The following SOX5 variants were observed in gnomAD, a reference collection of about 807,000 sequenced individuals.
The protein encoded by SOX5 is SRY-box transcription factor 5.
A neutral mutation model predicts 92.0 loss-of-function variants in SOX5; 9 were observed. The ratio of observed to expected loss-of-function variants is 0.10; its 90% CI spans 0.06 to 0.17. SOX5 has a LOEUF of 0.17. SOX5 is among the 10% of genes least tolerant of loss of function. The pLI is 1.00. For missense variants in SOX5, 642 were observed against 944.5 expected, an observed-to-expected ratio of 0.68 and a Z score of 4.20; for synonymous variants, 344 against 336.3, an observed-to-expected ratio of 1.02 and a Z score of -0.25.
At chr12:24,347,887 C>A (rs1405320826) in intron 2 of SOX5, among the ~76,000 whole-genome samples, 1 of 152,022 alleles carries the variant, frequency 6.6e-6, no homozygotes, top group East Asian at 1.9e-4. Context: ...GATTGATGAA[C>A]CGACCTGGCC....
intron 3 of SOX5, among the ~76,000 whole-genome samples, chr12:24,275,052 G>A (rs61121458): frequency 0.78 from 118,509 of 151,746 alleles, 46,374 homozygotes; most frequent in East Asian, 0.9. Context: ...TTGGGAAAAA[G>A]TAACCAAAAG....
chr12:24,117,912 C>T (rs1355951440), intron 4 of SOX5, among the ~76,000 whole-genome samples: 1 of 149,958 alleles, frequency 6.7e-6, no homozygotes, highest in African/African-American at 2.5e-5. Flanking sequence ...CCCAGATACT[C>T]GGAGACCAAG....
In SOX5 at chr12:24,458,467, C is replaced by T. The variant is rs562258387; in HGVS notation, c.-250-89828G>A. 3.3e-5 allele frequency among the ~76,000 whole-genome samples: 5 copies of T among 152,190 alleles called. No individual in the cohort carries two copies. In the South Asian group the frequency reaches 6.2e-4, roughly 19 times the overall value. On this transcript the variant is annotated intron_variant, in intron 1 of 4. Coordinates refer to the SOX5 transcript ENST00000446891. Reference sequence around the variant, plus strand: ...TCAGTCATGTTCAACGTGAGCTGAACGCCAAAATCAGCTGGAGAGCTTCTT... The same window carrying T: ...TCAGTCATGTTCAACGTGAGCTGAATGCCAAAATCAGCTGGAGAGCTTCTT...
chr12:23,561,464 T>G (rs542271009), intron 11 of SOX5, among the ~76,000 whole-genome samples: 4 of 152,248 alleles, frequency 2.6e-5, no homozygotes, highest in African/African-American at 9.6e-5. Flanking sequence ...TAGAGAAGAT[T>G]AACTCACAGT....
chr12:23,666,937 C>G (rs560157874), intron 6 of SOX5, among the ~76,000 whole-genome samples: 5 of 152,274 alleles, frequency 3.3e-5, no homozygotes, highest in South Asian at 4.1e-4. Flanking sequence ...TCTTACGATT[C>G]TTACAGTTCT....
At chr12:24,292,869 T>C (rs1016127882) in intron 2 of SOX5, among the ~76,000 whole-genome samples, 6 of 152,248 alleles carry the variant, frequency 3.9e-5, no homozygotes, top group Admixed American at 6.5e-5. Context: ...ACTACCCGCG[T>C]ACTTCAAGTT....
In SOX5 at chr12:24,036,132, C is replaced by T. The variant is rs563197153; in HGVS notation, c.-1-140108G>A. Among the ~76,000 whole-genome samples the T allele has an allele frequency of 1.3e-3, 202 of 152,110 alleles. 1 individual carries two copies. The highest frequency in any genetic ancestry group is 4.6e-3 in the African/African-American group (190 of 41,508). On this transcript the variant is annotated intron_variant, in intron 4 of 4. Transcript: ENST00000446891. ...TTCAAAATGCCAATATAATTGGCAC[C>T]ACTAACAATAAGTTAGTTAGCAACA...
chr12:23,747,102 C>T (rs192004057), intron 4 of SOX5, among the ~76,000 whole-genome samples: 318 of 152,166 alleles, frequency 2.1e-3, no homozygotes, highest in African/African-American at 7.3e-3. Context: ...AGCGTGAAAA[C>T]AGACTAATAC....
intron 2 of SOX5, among the ~76,000 whole-genome samples, chr12:23,866,676 G>A (rs973523778): frequency 1.3e-5 from 2 of 152,076 alleles, no homozygotes; most frequent in East Asian, 3.9e-4. Context: ...CAATACATTT[G>A]AGACTACTGA....
At position 23,902,719 on chromosome 12, in the gene SOX5, G is replaced by A. The variant is rs1204137352; in HGVS notation, c.39-6695C>T. ...GTAAATTTTTTTCAAGTACAGTTCT[G>A]TTTTTGACCATTTCACTTTATGTCA... On this transcript the variant is annotated intron_variant, in intron 1 of 14. Coordinates refer to ENST00000451604, the MANE Select transcript of SOX5 (RefSeq NM_006940.6). 3.3e-5 allele frequency among the ~76,000 whole-genome samples: 5 copies of A among 152,024 alleles called. No homozygotes were observed. The East Asian group carries it at 9.6e-4, about 29-fold the overall frequency.
At chr12:23,944,968 T>C (rs930989403) in intron 1 of SOX5, among the ~76,000 whole-genome samples, 3 of 152,102 alleles carry the variant, frequency 2.0e-5, no homozygotes, top group African/African-American at 7.2e-5. Context: ...GAATAACAAA[T>C]TATGAAAGAA....
At chr12:24,436,603 G>A (rs887070024) in intron 1 of SOX5, among the ~76,000 whole-genome samples, 1 of 152,220 alleles carries the variant, frequency 6.6e-6, no homozygotes, top group Non-Finnish European at 1.5e-5. Context: ...AGTGCAAGGG[G>A]AAGCAGCGAG....
At chr12:23,832,633 CTTCAT>C (rs2096346954) in intron 3 of SOX5, among the ~76,000 whole-genome samples, 1 of 151,966 alleles carries the variant, frequency 6.6e-6, no homozygotes, top group African/African-American at 2.4e-5. Flanking sequence ...ATATACATCA[CTTCAT>C]TTGTCTCCTT....
At chr12:24,458,060 G>A (rs997657505) in intron 1 of SOX5, among the ~76,000 whole-genome samples, 23 of 151,786 alleles carry the variant, frequency 1.5e-4, no homozygotes, top group African/African-American at 5.6e-4. Flanking sequence ...GTATAAGTAT[G>A]TCCCATGCAA....
chr12:24,141,749 C>T (rs1950606193), intron 4 of SOX5, among the ~76,000 whole-genome samples: 1 of 152,142 alleles, frequency 6.6e-6, no homozygotes, highest in Non-Finnish European at 1.5e-5. Context: ...GCCCAAGGTT[C>T]TAGTAACAAT....
chr12:24,142,743 G>T (rs1213322505), intron 4 of SOX5, among the ~76,000 whole-genome samples: 3 of 151,676 alleles, frequency 2.0e-5, no homozygotes, highest in Non-Finnish European at 2.9e-5. Flanking sequence ...AGAGTTTCCA[G>T]ACTGTGGCTT....
intron 3 of SOX5, among the ~76,000 whole-genome samples, chr12:23,807,443 T>TA (rs1285396105): frequency 2.6e-5 from 4 of 151,934 alleles, no homozygotes; most frequent in South Asian, 4.2e-4. Flanking sequence ...CACACAAAGA[T>TA]AAAAAAATCA....
intron 1 of SOX5, among the ~76,000 whole-genome samples, chr12:24,455,674 G>T (rs1942929454): frequency 6.6e-6 from 1 of 152,202 alleles, no homozygotes; most frequent in Non-Finnish European, 1.5e-5. Context: ...TTCCAATGAA[G>T]ACTGATAGTC....
intron 2 of SOX5, among the ~76,000 whole-genome samples, chr12:24,341,299 AG>A (rs1952548079): frequency 6.6e-6 from 1 of 152,164 alleles, no homozygotes; most frequent in African/African-American, 2.4e-5. Context: ...CAACACAGGG[AG>A]ACCCTGTCTC....
Sources: allele counts gnomAD v4.1 joint callset (sites outside exome capture counted in the v4.1 genomes callset), GRCh38; gene constraint gnomAD v4.1.1; transcripts MANE v1.5; gene names NCBI Gene and HGNC (gene_info 2026-07-23, HGNC 2026-07-21).